The following RBFOX1 variants were observed in gnomAD, a reference collection of about 807,000 sequenced individuals.
RBFOX1 encodes RNA binding protein fox-1 homolog 1.
Under a neutral mutation model 57.7 loss-of-function variants are expected in RBFOX1, and 8 were observed. The ratio of observed to expected loss-of-function variants is 0.14; its 90% CI spans 0.08 to 0.25. The LOEUF is 0.25. RBFOX1 is among the 10% of genes least tolerant of loss of function. RBFOX1 has a pLI of 1.00. For missense variants in RBFOX1, 611 were observed against 548.5 expected, an observed-to-expected ratio of 1.11 and a Z score of -1.14; for synonymous variants, 326 against 222.4, an observed-to-expected ratio of 1.47 and a Z score of -4.15.
At chr16:7,555,983 C>G (rs1356008506) in intron 5 of RBFOX1, among the ~76,000 whole-genome samples, 2 of 149,828 alleles carry the variant, frequency 1.3e-5, no homozygotes, top group African/African-American at 5.1e-5. Context: ...CTCCACGATG[C>G]ATTTCCAACA....
At chr16:6,766,039 CG>C (rs1567158463) in intron 3 of RBFOX1, among the ~76,000 whole-genome samples, 1 of 152,006 alleles carries the variant, frequency 6.6e-6, no homozygotes, top group African/African-American at 2.4e-5. Flanking sequence ...GTACACTACT[CG>C]GGTGGCAGGT....
At chr16:6,860,548 A>G (rs2058812013) in intron 3 of RBFOX1, among the ~76,000 whole-genome samples, 1 of 152,166 alleles carries the variant, frequency 6.6e-6, no homozygotes, top group African/African-American at 2.4e-5. Flanking sequence ...GTTTTGAGAT[A>G]TTTCATCCCT....
intron 4 of RBFOX1, among the ~76,000 whole-genome samples, chr16:7,398,634 G>C (rs916129597): frequency 6.6e-6 from 1 of 152,182 alleles, no homozygotes; most frequent in Non-Finnish European, 1.5e-5. Flanking sequence ...TATTCTCTCA[G>C]GAGACTGCCA....
chr16:6,047,591 G>A (rs1328184713), intron 1 of RBFOX1, among the ~76,000 whole-genome samples: 1 of 152,178 alleles, frequency 6.6e-6, no homozygotes, highest in Non-Finnish European at 1.5e-5. Context: ...AGAAGAAAAG[G>A]AAGCAGGGGG....
chr16:5,748,672 T>C (rs1376533090), intron 3 of RBFOX1, among the ~76,000 whole-genome samples: 1 of 152,230 alleles, frequency 6.6e-6, no homozygotes, highest in Non-Finnish European at 1.5e-5. Flanking sequence ...AAGTCTGTTT[T>C]ATCCGAGACT....
intron 1 of RBFOX1, among the ~76,000 whole-genome samples, chr16:6,241,781 G>T (rs1406847628): frequency 1.3e-5 from 2 of 152,174 alleles, no homozygotes; most frequent in Non-Finnish European, 2.9e-5. Flanking sequence ...CAATCACAGT[G>T]GGTAGTTTTT....
At chr16:5,657,723 GTTTCT>G (rs1260092084) in intron 3 of RBFOX1, among the ~76,000 whole-genome samples, 1 of 53,104 alleles carries the variant, frequency 1.9e-5, no homozygotes, top group Non-Finnish European at 4.1e-5. Context: ...TCTTTCTTTT[GTTTCT>G]TTTCTTTTCT....
rs538482151 is a variant in RBFOX1 at position 5,361,752 on chromosome 16, C to G, written c.220-105464C>G. Among the ~76,000 whole-genome samples the G allele has an allele frequency of 4.6e-5, 7 of 152,332 alleles. No individual in the cohort carries two copies. The South Asian group carries it at 1.2e-3, about 27-fold the overall frequency. On this transcript the variant is annotated intron_variant, in intron 1 of 2. Transcript: ENST00000585867. The stretch of plus-strand genomic sequence containing the variant: ...CCTCCACTTTGTGCCAAGTTGTATT[C>G]TTGCTCAGGCCACCCAGCTGTCTCA...
chr16:6,958,141 A>T (rs1292984362), intron 3 of RBFOX1, among the ~76,000 whole-genome samples: 1 of 152,086 alleles, frequency 6.6e-6, no homozygotes, highest in African/African-American at 2.4e-5. Flanking sequence ...GTTTTTTGAG[A>T]AGCAAGGGGA....
At chr16:5,398,167 C>T (rs1316809010) in intron 1 of RBFOX1, among the ~76,000 whole-genome samples, 7 of 152,148 alleles carry the variant, frequency 4.6e-5, no homozygotes, top group Non-Finnish European at 1.0e-4. Context: ...TGAAGGGTGG[C>T]AGCTTGGGCA....
chr16:7,013,666 T>C (rs529685158), intron 3 of RBFOX1, among the ~76,000 whole-genome samples: 3 of 152,332 alleles, frequency 2.0e-5, no homozygotes, highest in Admixed American at 6.5e-5. Flanking sequence ...ATATAAAGTC[T>C]GTTTTTTAAG....
chr16:5,630,737 C>A (rs535467335), intron 3 of RBFOX1, among the ~76,000 whole-genome samples: 2 of 152,216 alleles, frequency 1.3e-5, no homozygotes, highest in South Asian at 2.1e-4. Context: ...CATACCCAGG[C>A]AGTATCTGGA....
In RBFOX1 at chr16:6,441,297, C is replaced by A. The variant is rs2191430; in HGVS notation, c.-64+124240C>A. 6.5e-3 allele frequency among the ~76,000 whole-genome samples: 987 copies of A among 152,268 alleles called. 9 individuals carry two copies. The highest frequency in any genetic ancestry group is 0.023 in the African/African-American group (946 of 41,558). ...GGGGAACAAATAGGACCCAGACATC[C>A]TAAGGGAACGAGCTCTCTCCTGTGT... On this transcript the variant is annotated intron_variant, in intron 2 of 15. Transcript: ENST00000550418.
At chr16:6,440,232 A>G (rs990326316) in intron 2 of RBFOX1, among the ~76,000 whole-genome samples, 1 of 152,068 alleles carries the variant, frequency 6.6e-6, no homozygotes, top group African/African-American at 2.4e-5. Context: ...TTAGGTGGCC[A>G]TTTCTAAATA....
chr16:7,341,759 C>T (rs550130116), intron 4 of RBFOX1, among the ~76,000 whole-genome samples: 92 of 114,144 alleles, frequency 8.1e-4, no homozygotes, highest in Middle Eastern at 8.3e-3. Context: ...TCCCTCCTTC[C>T]CTCCTTCCCT....
intron 4 of RBFOX1, among the ~76,000 whole-genome samples, chr16:6,010,816 A>G (rs976777105): frequency 2.0e-5 from 3 of 152,204 alleles, no homozygotes; most frequent in Non-Finnish European, 2.9e-5. Context: ...TATCTACTTT[A>G]TAGTCCTAAA....
At chr16:6,060,758 C>G (rs1596833096) in intron 1 of RBFOX1, among the ~76,000 whole-genome samples, 2 of 152,102 alleles carry the variant, frequency 1.3e-5, no homozygotes, top group South Asian at 4.1e-4. Flanking sequence ...TCATAGAACC[C>G]AAGAGGAGGA....
At chr16:7,024,450 A>C (rs1735006366) in intron 3 of RBFOX1, among the ~76,000 whole-genome samples, 1 of 152,182 alleles carries the variant, frequency 6.6e-6, no homozygotes, top group African/African-American at 2.4e-5. Flanking sequence ...ATCTACCATG[A>C]ATTTATAATC....
chr16:6,891,511 C>G (rs1279856381), intron 3 of RBFOX1, among the ~76,000 whole-genome samples: 1 of 151,934 alleles, frequency 6.6e-6, no homozygotes, highest in Admixed American at 6.6e-5. Context: ...GATATATCAG[C>G]TACATAAACT....
Sources: gnomAD v4.1 joint callset for allele counts (sites outside exome capture counted in the v4.1 genomes callset) on GRCh38, gnomAD v4.1.1 for gene constraint, MANE v1.5 for transcripts, NCBI Gene and HGNC (gene_info 2026-07-23, HGNC 2026-07-21) for gene names.